Variants in ASIC2 observed in about 807,000 individuals in gnomAD.
The protein encoded by ASIC2 is acid sensing ion channel subunit 2, also known as acid-sensing ion channel 2.
In ASIC2, 25 loss-of-function variants were observed where a neutral mutation model predicts 57.3. The ratio of observed to expected loss-of-function variants is 0.44; its 90% CI spans 0.32 to 0.61. ASIC2 has a LOEUF of 0.61. Among genes scored for constraint, ASIC2 ranks in the 20% least tolerant of loss-of-function variants. The pLI is 0.06. For synonymous variants in ASIC2, 319 were observed against 307.5 expected (o/e 1.04, Z -0.39); for missense variants, 641 against 738.1 (o/e 0.87, Z 1.52).
intron 1 of ASIC2, among the ~76,000 whole-genome samples, chr17:33,681,123 T>G (rs1907988354): frequency 6.6e-6 from 1 of 152,330 alleles, no homozygotes; most frequent in South Asian, 2.1e-4. Context: ...TCCTTCCCAG[T>G]TGAATGCATT....
intron 1 of ASIC2, among the ~76,000 whole-genome samples, chr17:33,907,511 C>T (rs1915374281): frequency 6.6e-6 from 1 of 152,158 alleles, no homozygotes; most frequent in Admixed American, 6.5e-5. Flanking sequence ...TCTAGTTTTG[C>T]TTCCCATGTG....
At chr17:33,353,321 A>G (rs754502125) in intron 1 of ASIC2, among the ~76,000 whole-genome samples, 16 of 151,976 alleles carry the variant, frequency 1.1e-4, no homozygotes, top group Non-Finnish European at 2.1e-4. Flanking sequence ...TCTCATGCCC[A>G]TAAGTCTCTA....
chr17:33,385,251 C>T (rs930915442), intron 1 of ASIC2, among the ~76,000 whole-genome samples: 2 of 152,206 alleles, frequency 1.3e-5, no homozygotes, highest in Non-Finnish European at 2.9e-5. Context: ...CACTCTTCAG[C>T]CTGGGTTTTT....
intron 1 of ASIC2, among the ~76,000 whole-genome samples, chr17:33,734,404 G>A (rs1253429814): frequency 6.6e-6 from 1 of 152,086 alleles, no homozygotes; most frequent in African/African-American, 2.4e-5. Flanking sequence ...CCACACCATG[G>A]TCCCTGTGAT....
intron 1 of ASIC2, among the ~76,000 whole-genome samples, chr17:34,046,650 G>A (rs893198845): frequency 6.6e-6 from 1 of 152,136 alleles, no homozygotes; most frequent in African/African-American, 2.4e-5. Context: ...CTCACTCAAA[G>A]GACTAGAGAT....
At chr17:33,722,330 A>G (rs1909412968) in intron 1 of ASIC2, among the ~76,000 whole-genome samples, 2 of 152,366 alleles carry the variant, frequency 1.3e-5, no homozygotes, top group South Asian at 2.1e-4. Flanking sequence ...CTGTGAGTCA[A>G]TTAAACCTCT....
At chr17:33,365,761 A>G (rs903341287) in intron 1 of ASIC2, among the ~76,000 whole-genome samples, 4 of 152,284 alleles carry the variant, frequency 2.6e-5, no homozygotes, top group Non-Finnish European at 5.9e-5. Flanking sequence ...TTCATTTCCC[A>G]TAATTCCAAG....
At chr17:33,076,620 A>T (rs180961050) in intron 3 of ASIC2, among the ~76,000 whole-genome samples, 3 of 152,368 alleles carry the variant, frequency 2.0e-5, no homozygotes, top group East Asian at 3.9e-4. Context: ...ATACATGCAC[A>T]TTTATAATCA....
intron 1 of ASIC2, chr17:33,112,829 T>A (rs539854775): frequency 6.6e-6 from 1 of 152,268 alleles, no homozygotes; most frequent in East Asian, 1.9e-4. Context: ...TAACTGTGAG[T>A]CATTCTGGAA....
At chr17:33,264,749 C>A (rs1179012357) in intron 1 of ASIC2, among the ~76,000 whole-genome samples, 3 of 152,224 alleles carry the variant, frequency 2.0e-5, no homozygotes, top group Non-Finnish European at 2.9e-5. Flanking sequence ...TTCCCCAACT[C>A]TAAGACTGTT....
At chr17:34,043,985 T>C (rs189523053) in intron 1 of ASIC2, among the ~76,000 whole-genome samples, 16 of 152,326 alleles carry the variant, frequency 1.1e-4, no homozygotes, top group African/African-American at 3.6e-4. Flanking sequence ...TGACCTTTAC[T>C]ATTCCAAAGG....
intron 1 of ASIC2, among the ~76,000 whole-genome samples, chr17:33,345,187 C>T (rs1051187780): frequency 2.0e-5 from 3 of 151,946 alleles, no homozygotes; most frequent in African/African-American, 4.9e-5. Context: ...AGAATCTGTT[C>T]TCCAGAGTAG....
chr17:33,816,146 C>A, intron 1 of ASIC2, among the ~76,000 whole-genome samples: 1 of 105,808 alleles, frequency 9.5e-6, no homozygotes, highest in African/African-American at 3.9e-5. Context: ...TGAGTTGTTT[C>A]CTGAGTAGGA....
At chr17:33,554,786 TG>T (rs1311135765) in intron 1 of ASIC2, among the ~76,000 whole-genome samples, 2 of 152,066 alleles carry the variant, frequency 1.3e-5, no homozygotes, top group Non-Finnish European at 2.9e-5. Context: ...GGGACTGAGC[TG>T]GGGGAAGTAA....
intron 1 of ASIC2, among the ~76,000 whole-genome samples, chr17:33,689,411 G>A (rs1270237120): frequency 1.3e-5 from 2 of 152,038 alleles, no homozygotes; most frequent in African/African-American, 4.8e-5. Flanking sequence ...ACCTCTACAC[G>A]CTAGATGCCA....
chr17:33,977,240 G>T (rs1905424986), intron 1 of ASIC2, among the ~76,000 whole-genome samples: 1 of 152,120 alleles, frequency 6.6e-6, no homozygotes, highest in South Asian at 2.1e-4. Flanking sequence ...TTGCTGAAAA[G>T]CAATGGATAT....
intron 1 of ASIC2, among the ~76,000 whole-genome samples, chr17:33,940,466 G>T (rs1004742597): frequency 2.6e-5 from 4 of 152,138 alleles, no homozygotes; most frequent in Non-Finnish European, 5.9e-5. Flanking sequence ...TGGATAAATT[G>T]CACTGTGGTT....
In ASIC2 at chr17:33,047,799, T is replaced by C. The variant is rs147764317; in HGVS notation, c.988-19407A>G. On this transcript the variant is annotated intron_variant, in intron 3 of 9. Transcript: ENST00000225823. ...GTCTCTGGGGTACATCATGAAAACT[T>C]TGAATGGGAATTGGGCAGATGCTGC... 3.7e-3 allele frequency among the ~76,000 whole-genome samples: 562 copies of C among 152,318 alleles called. 4 individuals are homozygous for C. The highest frequency in any genetic ancestry group is 6.6e-3 in the Non-Finnish European group (446 of 68,024).
intron 5 of ASIC2, among the ~76,000 whole-genome samples, chr17:33,024,889 C>T (rs2091852542): frequency 6.6e-6 from 1 of 152,160 alleles, no homozygotes. Flanking sequence ...CCATCTGTTT[C>T]CCCTGTTGTG....
Sources: gnomAD v4.1 joint callset for allele counts (sites outside exome capture counted in the v4.1 genomes callset) on GRCh38, gnomAD v4.1.1 for gene constraint, MANE v1.5 for transcripts, NCBI Gene and HGNC (gene_info 2026-07-23, HGNC 2026-07-21) for gene names.